ZNF626: variants seen among roughly 807,000 people sequenced by gnomAD.
ZNF626 encodes the protein CTC-513N18.7.
In ZNF626, 4 loss-of-function variants were observed where a neutral mutation model predicts 11.7. That is an observed-to-expected ratio of 0.34 (90% CI 0.17 to 0.78). ZNF626 has a LOEUF of 0.78. ZNF626 is among the 30% of genes least tolerant of loss of function. The pLI, the probability that ZNF626 is intolerant of heterozygous loss-of-function variation, is 0.57. For missense variants in ZNF626, 588 were observed against 587.1 expected, an observed-to-expected ratio of 1.00 and a Z score of -0.01; for synonymous variants, 179 against 198.6, an observed-to-expected ratio of 0.90 and a Z score of 0.83.
At chr19:20,632,575 C>G (rs950759905) in intron 3 of ZNF626, among the ~76,000 whole-genome samples, 1 of 152,186 alleles carries the variant, frequency 6.6e-6, no homozygotes, top group Non-Finnish European at 1.5e-5. Flanking sequence ...TCCAGTTGAT[C>G]GCATCGGCTA....
intron 3 of ZNF626, among the ~76,000 whole-genome samples, chr19:20,628,030 T>C (rs942014422): frequency 2.2e-4 from 34 of 152,264 alleles, no homozygotes; most frequent in African/African-American, 7.9e-4. Context: ...ACATGCGGTG[T>C]TTGGTTTTTT....
intron 1 of ZNF626, among the ~76,000 whole-genome samples, chr19:20,655,188 A>C (rs1555772971): frequency 6.6e-6 from 1 of 152,208 alleles, no homozygotes; most frequent in Non-Finnish European, 1.5e-5. Context: ...ATTGCTCTGA[A>C]ATAATAAACA....
intron 3 of ZNF626, among the ~76,000 whole-genome samples, chr19:20,632,515 C>G (rs1555770471): frequency 6.6e-6 from 1 of 152,156 alleles, no homozygotes; most frequent in Admixed American, 6.5e-5. Flanking sequence ...CTAAACTTCT[C>G]TTCTCGCTTC....
intron 3 of ZNF626, among the ~76,000 whole-genome samples, chr19:20,631,477 G>A (rs1330384390): frequency 5.9e-5 from 9 of 151,776 alleles, no homozygotes; most frequent in Admixed American, 6.6e-5. Context: ...CTCCTGTATT[G>A]GGTGCATATA....
intron 3 of ZNF626, among the ~76,000 whole-genome samples, chr19:20,627,024 C>T (rs1280140346): frequency 2.7e-5 from 4 of 147,370 alleles, no homozygotes; most frequent in African/African-American, 1.0e-4. Flanking sequence ...CTCAGAAAAA[C>T]TAACTAAATA....
rs1367793436 is a variant in ZNF626, at chr19:20,645,099, A to G, written c.226+585T>C. On this transcript the variant is annotated intron_variant, in intron 3 of 3. Coordinates refer to ENST00000601440, the MANE Select transcript of ZNF626 (RefSeq NM_001076675.3). ...TATTTTCACAATAATGGAAAATACAATTCAAAAATTTACATGAAACTAAAA... is the reference window on the plus strand; with the variant it reads ...TATTTTCACAATAATGGAAAATACAGTTCAAAAATTTACATGAAACTAAAA... The G allele has an allele frequency of 4.7e-5, 18 of 386,364 alleles. No individual in the cohort carries two copies. In the Admixed American group the frequency reaches 9.9e-4, roughly 21 times the overall value. 23.9% of individuals were successfully genotyped at this position (386,364 alleles called of 1,614,324 possible). A position where few individuals can be genotyped will look rare whatever the true frequency, so the allele number is the denominator to read the frequency against.
chr19:20,647,484 GTTT>G (rs71174723), intron 1 of ZNF626, among the ~76,000 whole-genome samples: 3 of 122,806 alleles, frequency 2.4e-5, no homozygotes, highest in East Asian at 2.6e-4. Context: ...TAGGACAATG[GTTT>G]TTTTTTTTTT....
chr19:20,636,799 T>C (rs1219870770), intron 3 of ZNF626, among the ~76,000 whole-genome samples: 4 of 152,110 alleles, frequency 2.6e-5, no homozygotes, highest in Admixed American at 6.5e-5. Flanking sequence ...GGTGGGTGGA[T>C]TGTCTGAGGT....
chr19:20,624,905 GTA>G lies in ZNF626; in HGVS notation c.970_971del (p.Tyr324LeufsTer8). The G allele has an allele frequency of 6.2e-7, 1 of 1,612,552 alleles. No homozygotes were observed. Among genetic ancestry groups the G allele is most frequent in the Non-Finnish European group, 8.5e-7 (1 of 1,179,710 alleles). ...KCEECDKAFK[Y>X]SYTLTTHKRI... ...TTTTATGTGTAGTAAGGGTATAGGA[GTA>G]CTTAAAGGCTTTGTCACATTCTTCA... On this transcript the variant is annotated frameshift_variant, in exon 4 of 4. Transcript: ENST00000601440. LOFTEE classifies it low-confidence loss of function (END_TRUNC).
intron 3 of ZNF626, among the ~76,000 whole-genome samples, chr19:20,641,191 T>C (rs537099023): frequency 6.7e-6 from 1 of 150,284 alleles, no homozygotes; most frequent in African/African-American, 2.4e-5. Flanking sequence ...AAAATCTATC[T>C]TTATTATACC....
intron 1 of ZNF626, among the ~76,000 whole-genome samples, chr19:20,649,043 C>T (rs1025575533): frequency 3.9e-5 from 6 of 152,274 alleles, no homozygotes; most frequent in South Asian, 2.1e-4. Context: ...GAGTACTAAA[C>T]GCATGGCAGT....
Position 20,623,780 on chromosome 19 carries a change from C to T in ZNF626, c.*510G>A, listed in dbSNP as rs1969784103. On this transcript the variant is annotated 3_prime_UTR_variant, in exon 4 of 4. Transcript: ENST00000601440. ...TGCTATTGCACACCAGACTGGGTGA[C>T]AAGAGTTGAAACTCCATCTCAAAAA... The T allele has an allele frequency of 4.6e-6, 1 of 219,602 alleles. No individual in the cohort carries two copies. Among genetic ancestry groups the T allele is most frequent in the Non-Finnish European group, 8.4e-6 (1 of 119,662 alleles). 13.6% of individuals were successfully genotyped at this position (219,602 alleles called of 1,614,324 possible).
intron 3 of ZNF626, among the ~76,000 whole-genome samples, chr19:20,635,291 T>G (rs1969954102): frequency 6.6e-6 from 1 of 152,190 alleles, no homozygotes; most frequent in East Asian, 1.9e-4. Flanking sequence ...TCTAGTGATG[T>G]TGCATAACAA....
Position 20,620,842 on chromosome 19 carries a change from T to C in ZNF626, c.*3448A>G, listed in dbSNP as rs1969749216. On this transcript the variant is annotated 3_prime_UTR_variant, in exon 4 of 4. Transcript: ENST00000601440. ...ATGAGGCACTGCACATGGCCGTATTTTTTCTTTTTTTTTTTGTGACGGAGT... is the reference window on the plus strand; with the variant it reads ...ATGAGGCACTGCACATGGCCGTATTCTTTCTTTTTTTTTTTGTGACGGAGT... 3.6e-5 allele frequency: 2 copies of C among 55,114 alleles called. No individual in the cohort carries two copies. Among genetic ancestry groups the C allele is most frequent in the Non-Finnish European group, 1.1e-4 (2 of 17,728 alleles). The allele number at this position is 55,114 out of a possible 1,614,324, so 3.4% of individuals were successfully genotyped here.
Position 20,622,701 on chromosome 19 carries a change from C to A in ZNF626, c.*1589G>T, listed in dbSNP as rs1413070380. On this transcript the variant is annotated 3_prime_UTR_variant, in exon 4 of 4. Coordinates refer to ENST00000601440, the MANE Select transcript of ZNF626 (RefSeq NM_001076675.3). ...ATACTAATTTATACAAACTTATATACAAATTTAACAACTTTAGTTGTGAAT... is the reference window on the plus strand; with the variant it reads ...ATACTAATTTATACAAACTTATATAAAAATTTAACAACTTTAGTTGTGAAT... The A allele has an allele frequency of 1.3e-5, 2 of 152,116 alleles. No homozygotes were observed. The highest frequency in any genetic ancestry group is 6.6e-5 in the Admixed American group (1 of 15,266). The allele number at this position is 152,116 out of a possible 1,614,324, so 9.4% of individuals were successfully genotyped here.
At chr19:20,636,258 T>A (rs1173207539) in intron 3 of ZNF626, among the ~76,000 whole-genome samples, 1 of 152,238 alleles carries the variant, frequency 6.6e-6, no homozygotes, top group African/African-American at 2.4e-5. Flanking sequence ...AACAATTATA[T>A]TGGCAATAGA....
chr19:20,641,394 C>T lies in ZNF626; in HGVS notation c.226+4290G>A, dbSNP rs577796282. ...CAGTAACAAAATTATGGATACTGTA[C>T]GATTCCACTTATATGAGATACCTTA... On this transcript the variant is annotated intron_variant, in intron 3 of 3. Coordinates refer to ENST00000601440, the MANE Select transcript of ZNF626 (RefSeq NM_001076675.3). 7.9e-5 allele frequency among the ~76,000 whole-genome samples: 12 copies of T among 152,008 alleles called. No individual in the cohort carries two copies. The East Asian group carries it at 1.4e-3, about 17-fold the overall frequency.
At chr19:20,637,378 G>A (rs374561045) in intron 3 of ZNF626, among the ~76,000 whole-genome samples, 89 of 151,640 alleles carry the variant, frequency 5.9e-4, no homozygotes, top group African/African-American at 1.8e-3. Flanking sequence ...CCAGCTACAC[G>A]GGAGGCTGAG....
At chr19:20,636,708 T>C (rs2144775414) in intron 3 of ZNF626, among the ~76,000 whole-genome samples, 1 of 152,296 alleles carries the variant, frequency 6.6e-6, no homozygotes, top group South Asian at 2.1e-4. Context: ...TTCATCACCA[T>C]TGGCACAGTC....
Sources: gnomAD v4.1 joint callset for allele counts (sites outside exome capture counted in the v4.1 genomes callset) on GRCh38, gnomAD v4.1.1 for gene constraint, MANE v1.5 for transcripts, NCBI Gene and HGNC (gene_info 2026-07-23, HGNC 2026-07-21) for gene names.